MIGA1: variants seen among roughly 807,000 people sequenced by gnomAD.
The protein encoded by MIGA1 is mitoguardin 1.
MIGA1 carries 58 observed loss-of-function variants against 82.0 expected under a neutral mutation model. The observed-to-expected ratio is 0.71, with a 90% confidence interval of 0.57 to 0.88. MIGA1 has a LOEUF of 0.88. Among genes scored for constraint, MIGA1 ranks in the 40% least tolerant of loss-of-function variants. The probability of loss-of-function intolerance (pLI) is 0.00; values close to 1 mark genes in which losing one functional copy is unlikely to be tolerated. For synonymous variants in MIGA1, 249 were observed against 253.6 expected, an observed-to-expected ratio of 0.98 and a Z score of 0.17; for missense variants, 751 against 749.1, an observed-to-expected ratio of 1.00 and a Z score of -0.03.
rs368808406 is a variant in MIGA1 at position 77,861,312 on chromosome 1, C to G, written c.1364C>G (p.Ala455Gly). 1 of 1,603,632 alleles carries G rather than the reference C, an allele frequency of 6.2e-7. No homozygotes were observed. Residue 455 changes from alanine (A) to glycine (G), a missense_variant, in exon 12 of 16, where the codon GCT becomes GGT. Ala to Gly is a moderately conservative substitution (Grantham distance 60, BLOSUM62 0). Coordinates refer to ENST00000370791, the MANE Select transcript of MIGA1 (RefSeq NM_198549.4). The stretch of plus-strand genomic sequence containing the variant: ...TGGGGTAGTACTGAAATGGAACTTG[C>G]TGCTAGAGGGGTAAATTCAAATTTT...
intron 8 of MIGA1, among the ~76,000 whole-genome samples, chr1:77,854,297 A>G (rs1685166103): frequency 6.6e-6 from 1 of 152,176 alleles, no homozygotes; most frequent in African/African-American, 2.4e-5. Flanking sequence ...ATTGATGGGC[A>G]TTTGGGTTGG....
intron 14 of MIGA1, among the ~76,000 whole-genome samples, chr1:77,871,386 C>T (rs1056781238): frequency 1.3e-5 from 2 of 151,910 alleles, no homozygotes; most frequent in Admixed American, 6.5e-5. Context: ...CTTGTAATCC[C>T]AGCTACTCAG....
chr1:77,792,854 T>C (rs892992627), intron 2 of MIGA1, among the ~76,000 whole-genome samples: 2 of 150,158 alleles, frequency 1.3e-5, no homozygotes, highest in African/African-American at 4.9e-5. Flanking sequence ...AGTGGCGCGA[T>C]CTCAGCTCAC....
rs942268713 is a variant in MIGA1, at chr1:77,801,368, T to C, written c.233T>C (p.Val78Ala). The change falls in exon 3 of 16, where the codon GTA (valine) becomes GCA (alanine). Residue 78 changes from valine (V) to alanine (A), a missense_variant. Transcript: ENST00000370791. ...CCGGTGGCTAAAAAGTTGTTTGTGGTAACTGCAGTGAGTGCTATATCTGTA... is the reference window on the plus strand; with the variant it reads ...CCGGTGGCTAAAAAGTTGTTTGTGGCAACTGCAGTGAGTGCTATATCTGTA... 1 of 1,575,124 alleles carries C rather than the reference T, an allele frequency of 6.3e-7. No individual in the cohort carries two copies. Among genetic ancestry groups the C allele is most frequent in the Non-Finnish European group, 8.5e-7 (1 of 1,170,010 alleles).
At chr1:77,825,512 G>A (rs190990961) in intron 7 of MIGA1, among the ~76,000 whole-genome samples, 22 of 152,218 alleles carry the variant, frequency 1.4e-4, no homozygotes, top group Admixed American at 5.2e-4. Context: ...ATTCTGTGTT[G>A]CTACTTGTAG....
At chr1:77,831,105 T>C (rs1353618214) in intron 7 of MIGA1, among the ~76,000 whole-genome samples, 2 of 152,350 alleles carry the variant, frequency 1.3e-5, no homozygotes, top group East Asian at 1.9e-4. Context: ...TACCTCACAA[T>C]TGATGTGCCC....
chr1:77,862,906 A>G (rs1685519933), intron 12 of MIGA1, among the ~76,000 whole-genome samples: 1 of 151,062 alleles, frequency 6.6e-6, no homozygotes, highest in South Asian at 2.1e-4. Flanking sequence ...GTGCCAGTGC[A>G]CTCCAGCCTG....
intron 2 of MIGA1, among the ~76,000 whole-genome samples, chr1:77,796,422 ATTTTTTT>A (rs772449324): frequency 7.1e-6 from 1 of 141,776 alleles, no homozygotes; most frequent in Non-Finnish European, 1.6e-5. Flanking sequence ...CCTGGTCTTA[ATTTTTTT>A]TTTTTTTTTA....
intron 2 of MIGA1, among the ~76,000 whole-genome samples, chr1:77,801,103 G>T (rs969077720): frequency 2.6e-5 from 4 of 151,968 alleles, no homozygotes; most frequent in Admixed American, 2.6e-4. Flanking sequence ...TGACTTTGGG[G>T]TAATATTGTT....
intron 8 of MIGA1, among the ~76,000 whole-genome samples, chr1:77,846,658 G>T (rs1453061252): frequency 2.0e-5 from 3 of 150,912 alleles, no homozygotes; most frequent in Non-Finnish European, 4.4e-5. Flanking sequence ...TTATAATTCA[G>T]ATACCTCGGC....
intron 8 of MIGA1, among the ~76,000 whole-genome samples, chr1:77,855,324 G>A (rs183850846): frequency 4.3e-4 from 66 of 152,248 alleles, no homozygotes; most frequent in Non-Finnish European, 7.5e-4. Flanking sequence ...AAATCAGGTC[G>A]TGTGATGCCT....
intron 8 of MIGA1, chr1:77,847,097 A>G (rs1684871774): frequency 8.5e-6 from 7 of 823,052 alleles, no homozygotes; most frequent in South Asian, 6.6e-5. Context: ...TTCAGTAGAT[A>G]TGGGAACAAG....
chr1:77,786,797 A>G (rs984790119), intron 2 of MIGA1, among the ~76,000 whole-genome samples: 2 of 152,028 alleles, frequency 1.3e-5, no homozygotes, highest in African/African-American at 2.4e-5. Context: ...ACTTTCCCAC[A>G]TTTTCCTCTC....
chr1:77,854,844 T>C (rs1046334663), intron 8 of MIGA1, among the ~76,000 whole-genome samples: 7 of 152,242 alleles, frequency 4.6e-5, no homozygotes, highest in Non-Finnish European at 1.0e-4. Context: ...ACTCTGTGGG[T>C]TGTCTACTTA....
intron 6 of MIGA1, 102 bp downstream of exon 6, chr1:77,813,969 GA>G: frequency 7.9e-7 from 1 of 1,258,412 alleles, no homozygotes; most frequent in Non-Finnish European, 1.1e-6. Flanking sequence ...TACCCAGGCT[GA>G]GTCTTGAACT....
intron 6 of MIGA1, among the ~76,000 whole-genome samples, chr1:77,814,411 G>A (rs1185433202): frequency 2.0e-5 from 3 of 150,868 alleles, no homozygotes; most frequent in East Asian, 3.9e-4. Context: ...AAAGAAATGG[G>A]GTCTTGCTAT....
intron 2 of MIGA1, among the ~76,000 whole-genome samples, chr1:77,784,586 G>A (rs977713092): frequency 5.9e-5 from 9 of 152,032 alleles, no homozygotes; most frequent in Non-Finnish European, 1.0e-4. Context: ...ACCACTTTAC[G>A]TTTCTACCAA....
chr1:77,790,089 A>C (rs527492490), intron 2 of MIGA1, among the ~76,000 whole-genome samples: 2 of 152,216 alleles, frequency 1.3e-5, no homozygotes, highest in African/African-American at 4.8e-5. Context: ...ATTTCCCCCA[A>C]TGGTTACATT....
intron 2 of MIGA1, among the ~76,000 whole-genome samples, chr1:77,785,690 G>T (rs547426345): frequency 4.5e-4 from 68 of 152,292 alleles, no homozygotes; most frequent in African/African-American, 1.6e-3. Context: ...TTGACTCCAT[G>T]TCTCACATCC....
Sources: gnomAD v4.1 joint callset for allele counts (sites outside exome capture counted in the v4.1 genomes callset) on GRCh38, gnomAD v4.1.1 for gene constraint, MANE v1.5 for transcripts, NCBI Gene and HGNC (gene_info 2026-07-23, HGNC 2026-07-21) for gene names.